Variants in GIPC2 observed in about 807,000 individuals in gnomAD.
The protein encoded by GIPC2 is PDZ domain-containing protein GIPC2.
A neutral mutation model predicts 30.6 loss-of-function variants in GIPC2; 30 were observed. The ratio of observed to expected loss-of-function variants is 0.98; its 90% CI spans 0.73 to 1.33. The LOEUF is 1.33. GIPC2 is among the 40% of genes most tolerant of loss of function. The pLI, the probability that GIPC2 is intolerant of heterozygous loss-of-function variation, is 0.00. For synonymous variants in GIPC2, 167 were observed against 150.0 expected (o/e 1.11, Z -0.83); for missense variants, 414 against 390.3 (o/e 1.06, Z -0.51).
At chr1:78,099,077 A>T (rs1348612085) in intron 3 of GIPC2, among the ~76,000 whole-genome samples, 1 of 152,190 alleles carries the variant, frequency 6.6e-6, no homozygotes, top group African/African-American at 2.4e-5. Context: ...TCTAGAAGGT[A>T]CAGGTATTTT....
chr1:78,046,233 CAGCTGGCGCACGGTAGT>C lies in GIPC2; in HGVS notation c.140_156del (p.Gln47ArgfsTer23), dbSNP rs1557522710. On this transcript the variant is annotated frameshift_variant, in exon 1 of 6. Transcript: ENST00000370759. LOFTEE classifies it high-confidence loss of function. ...CGCACGCAGGCTGGTCTTCCACGCG[CAGCTGGCGCACGGTAGT>C]GCCACGGGCCGAGTGGAGGGCTTCT... The C allele has an allele frequency of 6.2e-7, 1 of 1,607,044 alleles. No homozygotes were observed. Among genetic ancestry groups the C allele is most frequent in the East Asian group, 2.3e-5 (1 of 44,286 alleles).
chr1:78,082,943 CACAT>C (rs750113770), intron 2 of GIPC2, among the ~76,000 whole-genome samples: 39 of 151,276 alleles, frequency 2.6e-4, no homozygotes, highest in South Asian at 8.3e-4. Flanking sequence ...CTCATACACA[CACAT>C]ATATATATAT....
intron 2 of GIPC2, among the ~76,000 whole-genome samples, chr1:78,094,076 A>G (rs1662092830): frequency 6.6e-6 from 1 of 152,208 alleles, no homozygotes; most frequent in South Asian, 2.1e-4. Flanking sequence ...TACATAAATG[A>G]AAAACAATAG....
chr1:78,061,023 C>A (rs982063424), intron 1 of GIPC2, among the ~76,000 whole-genome samples: 4 of 152,056 alleles, frequency 2.6e-5, no homozygotes, highest in African/African-American at 9.7e-5. Context: ...GTCACTGTAT[C>A]CTTGCAGTGT....
rs1662999737 is a variant in GIPC2 at position 78,136,151 on chromosome 1, A to G, written c.*408A>G. On this transcript the variant is annotated 3_prime_UTR_variant, in exon 6 of 6. Coordinates refer to ENST00000370759, the MANE Select transcript of GIPC2 (RefSeq NM_017655.6). ...ATTGGAGTATGATTTACCTCATAGT[A>G]TCTTCACTGTGTTATCCTAGTTTGA... The G allele has an allele frequency of 6.3e-6, 1 of 159,140 alleles. No homozygotes were observed. The highest frequency in any genetic ancestry group is 1.4e-5 in the Non-Finnish European group (1 of 73,424). 9.9% of individuals were successfully genotyped at this position (159,140 alleles called of 1,614,324 possible).
In GIPC2 at chr1:78,126,047, T is replaced by G. The variant is rs879010409; in HGVS notation, c.796+85T>G. On this transcript the variant is annotated intron_variant, in intron 5 of 5. Transcript: ENST00000370759. ...TGTTTATACATACAGCCAATTATAC[T>G]TTTGAAGATAACAATATTTGTGGTA... is the stretch of plus-strand genomic sequence containing the variant. 4 of 642,642 alleles carry G rather than the reference T, an allele frequency of 6.2e-6. No individual in the cohort carries two copies. In the South Asian group the frequency reaches 7.3e-5, roughly 12 times the overall value. The allele number at this position is 642,642 out of a possible 1,614,324, so 39.8% of individuals were successfully genotyped here.
intron 4 of GIPC2, among the ~76,000 whole-genome samples, chr1:78,120,550 AATAAAGAC>A (rs1421266179): frequency 1.3e-5 from 2 of 152,192 alleles, no homozygotes; most frequent in Non-Finnish European, 2.9e-5. Flanking sequence ...TCACACTGCT[AATAAAGAC>A]ATACTTGAGA....
At chr1:78,118,860 C>A (rs749653758) in intron 3 of GIPC2, among the ~76,000 whole-genome samples, 1 of 152,164 alleles carries the variant, frequency 6.6e-6, no homozygotes, top group Non-Finnish European at 1.5e-5. Flanking sequence ...GGGCAATCAC[C>A]GGTCTCATAG....
chr1:78,100,015 A>T (rs982843838), intron 3 of GIPC2, among the ~76,000 whole-genome samples: 1 of 152,222 alleles, frequency 6.6e-6, no homozygotes, highest in African/African-American at 2.4e-5. Flanking sequence ...CTGGGCAATG[A>T]AGAGGCAGAG....
At chr1:78,080,628 A>G (rs1435451399) in intron 1 of GIPC2, 47 bp from the exon 2 acceptor site, 4 of 1,020,638 alleles carry the variant, frequency 3.9e-6, no homozygotes, top group Non-Finnish European at 6.0e-6. Context: ...TAACGGTCAG[A>G]TGTATTCCAA....
At chr1:78,102,432 ATTAC>A (rs1162809513) in intron 3 of GIPC2, among the ~76,000 whole-genome samples, 1 of 152,236 alleles carries the variant, frequency 6.6e-6, no homozygotes, top group African/African-American at 2.4e-5. Context: ...ACATTTAAAA[ATTAC>A]TTTTTATTAT....
At chr1:78,055,603 A>G (rs1007320121) in intron 1 of GIPC2, among the ~76,000 whole-genome samples, 4 of 151,960 alleles carry the variant, frequency 2.6e-5, no homozygotes, top group African/African-American at 9.7e-5. Flanking sequence ...TGCTCCTCCC[A>G]TTATTACCTC....
intron 2 of GIPC2, among the ~76,000 whole-genome samples, chr1:78,093,472 TAGAA>T (rs1259068544): frequency 6.6e-6 from 1 of 152,262 alleles, no homozygotes; most frequent in East Asian, 1.9e-4. Context: ...CAGCCACTAT[TAGAA>T]TGAATGAACA....
intron 3 of GIPC2, among the ~76,000 whole-genome samples, chr1:78,103,700 A>G (rs531646502): frequency 6.6e-6 from 1 of 152,332 alleles, no homozygotes; most frequent in East Asian, 1.9e-4. Flanking sequence ...GATGCATGCT[A>G]TAGTGCAGAT....
chr1:78,063,111 A>G (rs1260427531), intron 1 of GIPC2, among the ~76,000 whole-genome samples: 3 of 152,202 alleles, frequency 2.0e-5, no homozygotes, highest in Non-Finnish European at 4.4e-5. Context: ...ATTTTAAACA[A>G]TGTTTTCTAC....
Position 78,046,053 on chromosome 1 carries a change from C to T in GIPC2, c.-42C>T. On this transcript the variant is annotated 5_prime_UTR_variant, in exon 1 of 6. Transcript: ENST00000370759. The stretch of plus-strand genomic sequence containing the variant: ...CCGAGGCGCCGGGGGGAGGAGGCGG[C>T]GGACGGCAGCGCAGGTGGGCCCGCG... 7.1e-7 allele frequency: 1 copy of T among 1,399,188 alleles called. No homozygotes were observed. Among genetic ancestry groups the T allele is most frequent in the Non-Finnish European group, 9.3e-7 (1 of 1,078,896 alleles). The allele number at this position is 1,399,188 out of a possible 1,614,324, so 86.7% of individuals were successfully genotyped here. A position where few individuals can be genotyped will look rare whatever the true frequency, so the allele number is the denominator to read the frequency against.
At chr1:78,100,927 CAAA>C (rs111747897) in intron 3 of GIPC2, among the ~76,000 whole-genome samples, 2 of 98,516 alleles carry the variant, frequency 2.0e-5, no homozygotes, top group African/African-American at 9.1e-5. Context: ...GAGACCCTGT[CAAA>C]AAAAAAAAAA....
rs1272615723 is a variant in GIPC2 at position 78,137,954 on chromosome 1, G to A, written c.*2211G>A. On this transcript the variant is annotated 3_prime_UTR_variant, in exon 6 of 6. Coordinates refer to ENST00000370759, the MANE Select transcript of GIPC2 (RefSeq NM_017655.6). ...TTTTAAAAAACATTCCATTTTATTG[G>A]CATCACTAGATGTTTTTAGGACCCT... The A allele has an allele frequency of 1.3e-5, 2 of 151,320 alleles. No individual in the cohort carries two copies. Among genetic ancestry groups the A allele is most frequent in the African/African-American group, 2.4e-5 (1 of 41,194 alleles). The allele number at this position is 151,320 out of a possible 1,614,324, so 9.4% of individuals were successfully genotyped here.
intron 4 of GIPC2, among the ~76,000 whole-genome samples, chr1:78,121,656 A>G (rs78192364): frequency 0.012 from 1,824 of 152,266 alleles, 33 homozygotes; most frequent in African/African-American, 0.042. Context: ...GCAAATGGCA[A>G]CGAAGAGATC....
Sources: allele counts gnomAD v4.1 joint callset (sites outside exome capture counted in the v4.1 genomes callset), GRCh38; gene constraint gnomAD v4.1.1; transcripts MANE v1.5; gene names NCBI Gene and HGNC (gene_info 2026-07-23, HGNC 2026-07-21).